The following CDK16 variants were observed in gnomAD, a reference collection of about 807,000 sequenced individuals.
The protein encoded by CDK16 is cyclin-dependent kinase 16.
Under a neutral mutation model 41.6 loss-of-function variants are expected in CDK16, and 2 were observed. The ratio of observed to expected loss-of-function variants is 0.05; its 90% confidence interval spans 0.02 to 0.15. The LOEUF is 0.15. CDK16 is among the 10% of genes least tolerant of loss of function. CDK16 has a pLI of 1.00. For synonymous variants in CDK16, 169 were observed against 169.7 expected, an observed-to-expected ratio of 1.00 and a Z score of 0.03; for missense variants, 228 against 428.9, an observed-to-expected ratio of 0.53 and a Z score of 4.14.
intron 1 of CDK16, among the ~76,000 whole-genome samples, chrX:47,221,409 C>G (rs1321390657): frequency 6.2e-5 from 7 of 112,017 alleles, no homozygotes; most frequent in Non-Finnish European, 1.1e-4. Context: ...GACCCCCATC[C>G]CCCTTTCTGG....
Position 47,218,916 on chromosome X carries a change from G to A in CDK16, c.-196G>A, listed in dbSNP as rs1556796314. ...GGACGCCGCCTCCGCCTCAGCCACCGCCGCCGCCGCCGCCTCCTCCTCCTC... is the reference window on the plus strand; with the variant it reads ...GGACGCCGCCTCCGCCTCAGCCACCACCGCCGCCGCCGCCTCCTCCTCCTC... On this transcript the variant is annotated 5_prime_UTR_variant, in exon 1 of 16. Transcript: ENST00000357227. 2.8e-5 allele frequency: 28 copies of A among 989,375 alleles called. No individual in the cohort carries two copies. The highest frequency in any genetic ancestry group is 1.3e-4 in the Admixed American group (3 of 23,255). 81.5% of individuals were successfully genotyped at this position (989,375 alleles called of 1,213,427 possible).
intron 14 of CDK16, 96 bp from the exon 15 acceptor site, chrX:47,228,471 G>C (rs2055275524): frequency 1.5e-6 from 1 of 675,498 alleles, no homozygotes; most frequent in East Asian, 3.2e-5. Context: ...TCAGAGAAGG[G>C]GCAGCTTTTT....
At chrX:47,223,857 C>G (rs1177503286) in intron 2 of CDK16, 98 bp downstream of exon 2, 5 of 715,547 alleles carry the variant, frequency 7.0e-6, no homozygotes, top group African/African-American at 4.3e-5. Context: ...AATTTTCTGC[C>G]CTTTCTCTGC....
chrX:47,218,938 C>A lies in CDK16; in HGVS notation c.-174C>A. ...ACCGCCGCCGCCGCCGCCTCCTCCTCCTCAGCCGGCGGCGGCCCGGGCCCA... is the reference window on the plus strand; with the variant it reads ...ACCGCCGCCGCCGCCGCCTCCTCCTACTCAGCCGGCGGCGGCCCGGGCCCA... On this transcript the variant is annotated 5_prime_UTR_variant, in exon 1 of 16. Transcript: ENST00000357227. 1.0e-6 allele frequency: 1 copy of A among 1,004,214 alleles called. No homozygotes were observed. Among genetic ancestry groups the A allele is most frequent in the Non-Finnish European group, 1.3e-6 (1 of 794,858 alleles). 82.8% of individuals were successfully genotyped at this position (1,004,214 alleles called of 1,213,427 possible).
rs1278551243 is a variant in CDK16 at position 47,226,317 on chromosome X, C to T, written c.831C>T (p.Cys277=). The part of the protein sequence containing the change: ...LFQLLRGLAY[C]HRQKVLHRDL... ...AGCTGCTCCGTGGCCTGGCCTACTG[C>T]CACCGGCAGAAGGTGCTACACCGAG... The change falls in exon 9 of 16, where the codon TGC becomes TGT. Residue 277 remains cysteine, a synonymous_variant. Transcript: ENST00000357227. 9.1e-6 allele frequency: 11 copies of T among 1,208,273 alleles called. No homozygotes were observed. The highest frequency in any genetic ancestry group is 2.2e-5 in the Admixed American group (1 of 45,733).
rs1304170532 is a variant in CDK16 at position 47,224,879 on chromosome X, A to C, written c.508A>C (p.Lys170Gln). 8.3e-7 allele frequency: 1 copy of C among 1,211,475 alleles called. No individual in the cohort carries two copies. The highest frequency in any genetic ancestry group is 1.1e-6 in the Non-Finnish European group (1 of 895,425). ...ACTGGAGACCTACATTAAGCTGGACAAACTGGGCGAGGTGAGAGGCAAATA... is the reference window on the plus strand; with the variant it reads ...ACTGGAGACCTACATTAAGCTGGACCAACTGGGCGAGGTGAGAGGCAAATA... ...GKLETYIKLD[K>Q]LGEGTYATVY... is the part of the protein sequence containing the mutation. Residue 170 changes from lysine to glutamine, a missense_variant, in exon 5 of 16, where the codon AAA (lysine) becomes CAA (glutamine). Transcript: ENST00000357227.
chrX:47,223,335 C>T (rs1937428645), intron 1 of CDK16: 1 of 1,142,667 alleles, frequency 8.8e-7, no homozygotes, highest in Admixed American at 2.6e-5. Context: ...GAGCAGGGTC[C>T]CAGTGGGGCT....
upstream of CDK16, chrX:47,218,587 CGCCGCATCCTCCTCTGGGCTCGCGATG>C: frequency 8.7e-7 from 1 of 1,150,804 alleles, no homozygotes; most frequent in Non-Finnish European, 1.2e-6. Context: ...TCCGGCTTGG[CGCCGCATCCTCCTCTGGGCTCGCGATG>C]GCCGCGTCCC....
upstream of CDK16, chrX:47,218,375 C>T: frequency 5.3e-6 from 2 of 376,354 alleles, no homozygotes; most frequent in Non-Finnish European, 9.2e-6. Flanking sequence ...GGGACTAGAA[C>T]TGAGTGCTTC....
chrX:47,219,092 G>C lies in CDK16; in HGVS notation c.-20G>C. 1.2e-6 allele frequency: 1 copy of C among 811,514 alleles called. No homozygotes were observed. The highest frequency in any genetic ancestry group is 1.5e-6 in the Non-Finnish European group (1 of 675,805). The allele number at this position is 811,514 out of a possible 1,213,427, so 66.9% of individuals were successfully genotyped here. ...CGGCCCCGCGGCTCTGAGGTTGCTC[G>C]CGCGCCCCCGCCGGTGAGCGCGTCC... On this transcript the variant is annotated 5_prime_UTR_variant, in exon 1 of 16. Coordinates refer to ENST00000357227, the MANE Select transcript of CDK16 (RefSeq NM_006201.5).
chrX:47,229,020 T>C lies in CDK16; in HGVS notation c.*252T>C. 1 of 463,383 alleles carries C rather than the reference T, an allele frequency of 2.2e-6. No individual in the cohort carries two copies. The highest frequency in any genetic ancestry group is 2.9e-5 in the South Asian group (1 of 34,318). 38.2% of individuals were successfully genotyped at this position (463,383 alleles called of 1,213,427 possible). ...GGTCTGTCTGTCTCTGTCTTGGTAG[T>C]TGCCGGTGGACAGCATGGCCGTGCC... On this transcript the variant is annotated 3_prime_UTR_variant, in exon 16 of 16. Transcript: ENST00000357227.
At chrX:47,227,508 C>T in intron 14 of CDK16, 39 bp downstream of exon 14, 1 of 1,061,905 alleles carries the variant, frequency 9.4e-7, no homozygotes, top group Middle Eastern at 2.7e-4. Flanking sequence ...AGCGTGGGGA[C>T]TGGGAAACAG....
chrX:47,218,428 T>G, upstream of CDK16: 5 of 428,194 alleles, frequency 1.2e-5, no homozygotes, highest in Non-Finnish European at 1.9e-5. Flanking sequence ...TTTGCCACCA[T>G]GGGGATGTAC....
intron 1 of CDK16, chrX:47,223,289 G>A (rs1937425533): frequency 8.7e-7 from 1 of 1,154,940 alleles, no homozygotes. Context: ...CCCTCAATCA[G>A]CCACCTAAAT....
chrX:47,223,451 T>A, intron 1 of CDK16, 101 bp from the exon 2 acceptor site: 1 of 984,926 alleles, frequency 1.0e-6, no homozygotes, highest in Non-Finnish European at 1.4e-6. Context: ...CACTGACAAG[T>A]TCATGTCAGT....
chrX:47,218,750 G>A lies in CDK16; in HGVS notation c.-362G>A, dbSNP rs781908704. ...GGCGCGCGCGGCGGTTGGGCCGTTG[G>A]CTGTTCGGCCCTGGGATCCGCCGCC... On this transcript the variant is annotated 5_prime_UTR_variant, in exon 1 of 16. An upstream open reading frame in the 5' UTR gains an earlier in-frame stop. Transcript: ENST00000357227. 1.7e-6 allele frequency: 2 copies of A among 1,157,587 alleles called. No homozygotes were observed. The highest frequency in any genetic ancestry group is 3.6e-5 in the African/African-American group (2 of 55,512).
intron 14 of CDK16, chrX:47,227,842 C>G (rs1427568877): frequency 6.7e-6 from 1 of 149,793 alleles, no homozygotes; most frequent in East Asian, 1.9e-4. Flanking sequence ...AAGCTCCCCA[C>G]CCCCAGCTCC....
chrX:47,219,189 G>C, intron 1 of CDK16, 84 bp downstream of exon 1: 5 of 760,335 alleles, frequency 6.6e-6, no homozygotes, highest in Non-Finnish European at 7.8e-6. Flanking sequence ...GGGCTGCGGG[G>C]CTGGCAGGTG....
chrX:47,229,036 T>G lies in CDK16; in HGVS notation c.*268T>G, dbSNP rs2055292451. On this transcript the variant is annotated 3_prime_UTR_variant, in exon 16 of 16. Transcript: ENST00000357227. ...TCTTGGTAGTTGCCGGTGGACAGCA[T>G]GGCCGTGCCAGCCTCCCACACTGAG... is the stretch of plus-strand genomic sequence containing the variant. 9.0e-6 allele frequency: 4 copies of G among 446,727 alleles called. No homozygotes were observed. Among genetic ancestry groups the G allele is most frequent in the Non-Finnish European group, 1.6e-5 (4 of 246,778 alleles). 36.8% of individuals were successfully genotyped at this position (446,727 alleles called of 1,213,427 possible). A position where few individuals can be genotyped will look rare whatever the true frequency, so the allele number is the denominator to read the frequency against.
Sources: allele counts gnomAD v4.1 joint callset (sites outside exome capture counted in the v4.1 genomes callset), GRCh38; gene constraint gnomAD v4.1.1; transcripts MANE v1.5; gene names NCBI Gene and HGNC (gene_info 2026-07-23, HGNC 2026-07-21).